The following SLC22A2 variants were observed in gnomAD, a reference collection of about 807,000 sequenced individuals.
The protein encoded by SLC22A2 is organic cation transporter 2.
In SLC22A2, 46 loss-of-function variants were observed where a neutral mutation model predicts 60.5. The ratio of observed to expected loss-of-function variants is 0.76; its 90% CI spans 0.60 to 0.97. The LOEUF (loss-of-function observed/expected upper bound fraction) is 0.97. Among genes scored for constraint, SLC22A2 ranks in the 50% least tolerant of loss-of-function variants. SLC22A2 has a pLI of 0.00. For synonymous variants in SLC22A2, 303 were observed against 267.0 expected, an observed-to-expected ratio of 1.13 and a Z score of -1.31; for missense variants, 701 against 706.6, an observed-to-expected ratio of 0.99 and a Z score of 0.09.
intron 9 of SLC22A2, among the ~76,000 whole-genome samples, chr6:160,228,672 CTAAGCCA>C (rs951375568): frequency 6.6e-6 from 1 of 152,200 alleles, no homozygotes; most frequent in African/African-American, 2.4e-5. Flanking sequence ...TGAGCCCAAG[CTAAGCCA>C]TCATATCCCC....
chr6:160,243,807 A>C (rs1783050413), intron 6 of SLC22A2, 21 bp from the exon 7 acceptor site: 1 of 1,585,468 alleles, frequency 6.3e-7, no homozygotes, highest in South Asian at 1.1e-5. Flanking sequence ...AGGAGAGTTC[A>C]GGTCAAGTCA....
At chr6:160,240,036 A>G (rs1164529298) in intron 9 of SLC22A2, among the ~76,000 whole-genome samples, 1 of 152,164 alleles carries the variant, frequency 6.6e-6, no homozygotes, top group Non-Finnish European at 1.5e-5. Flanking sequence ...GATAACGGAA[A>G]TGAGTGACTG....
rs535531173 is a variant in SLC22A2, at chr6:160,251,918, T to C, written c.519-1216A>G. 2.6e-5 allele frequency among the ~76,000 whole-genome samples: 4 copies of C among 152,374 alleles called. No individual in the cohort carries two copies. The South Asian group carries it at 8.3e-4, about 32-fold the overall frequency. On this transcript the variant is annotated intron_variant, in intron 2 of 10. Transcript: ENST00000366953. ...AGTTACATTGGTAATTAGTATTAAC[T>C]AGTAAATTTCTTAAGTCTTAAAACT...
rs780746033 is a variant in SLC22A2 at position 160,224,785 on chromosome 6, A to G, written c.1521T>C (p.Ala507=). Residue 507 remains alanine, a synonymous_variant, in exon 10 of 11, where the codon GCT becomes GCC. Coordinates refer to ENST00000366953, the MANE Select transcript of SLC22A2 (RefSeq NM_003058.4). ...CTGGAAGCAACAGCACCAGACCTCC[A>G]GCAACCAAGCCAAGCACGCCTGAAA... ...LMVFGVLGLV[A]GGLVLLLPET... 2.5e-6 allele frequency: 4 copies of G among 1,598,178 alleles called. No homozygotes were observed. The highest frequency in any genetic ancestry group is 2.7e-5 in the African/African-American group (2 of 74,550).
chr6:160,218,045 C>G, intron 10 of SLC22A2: 1 of 166,808 alleles, frequency 6.0e-6, no homozygotes, highest in Admixed American at 5.8e-5. Context: ...CAGCCATGCC[C>G]TTTGGACCTG....
intron 9 of SLC22A2, among the ~76,000 whole-genome samples, chr6:160,229,324 G>T (rs754749951): frequency 6.6e-6 from 1 of 151,406 alleles, no homozygotes; most frequent in Admixed American, 6.6e-5. Context: ...TCCTTTTCTC[G>T]TAGAGACAGA....
intron 9 of SLC22A2, among the ~76,000 whole-genome samples, chr6:160,234,815 C>A (rs184253295): frequency 6.6e-6 from 1 of 152,344 alleles, no homozygotes; most frequent in East Asian, 1.9e-4. Flanking sequence ...AGCTCAATAG[C>A]TAAGGCTTCA....
intron 5 of SLC22A2, among the ~76,000 whole-genome samples, chr6:160,245,960 C>T (rs909775020): frequency 8.6e-5 from 13 of 151,342 alleles, no homozygotes; most frequent in East Asian, 1.9e-4. Context: ...ATCTGCCTCC[C>T]GGGCTCAAGG....
At chr6:160,243,967 G>A (rs1420607232) in intron 6 of SLC22A2, among the ~76,000 whole-genome samples, 181 bp from the exon 7 acceptor site, 1 of 152,192 alleles carries the variant, frequency 6.6e-6, no homozygotes. Context: ...CTGTGGCTGG[G>A]TAGTTTCCAA....
chr6:160,245,669 C>G, intron 5 of SLC22A2, 124 bp from the exon 6 acceptor site: 1 of 467,416 alleles, frequency 2.1e-6, no homozygotes, highest in Admixed American at 3.9e-5. Context: ...CTAGAGCAAG[C>G]ACTTTCCATA....
intron 10 of SLC22A2, among the ~76,000 whole-genome samples, chr6:160,219,707 T>G (rs1286289206): frequency 6.6e-6 from 1 of 152,020 alleles, no homozygotes; most frequent in Admixed American, 6.6e-5. Context: ...TCAGAGATAT[T>G]GGGGATTCAC....
chr6:160,251,655 C>A (rs888023563), intron 2 of SLC22A2, among the ~76,000 whole-genome samples: 2 of 152,148 alleles, frequency 1.3e-5, no homozygotes, highest in African/African-American at 2.4e-5. Flanking sequence ...TAAAAAAATT[C>A]TTCACAGAAA....
chr6:160,239,443 A>C (rs1782964102), intron 9 of SLC22A2, among the ~76,000 whole-genome samples: 1 of 152,166 alleles, frequency 6.6e-6, no homozygotes, highest in Admixed American at 6.5e-5. Context: ...TACTCTATGG[A>C]TTGACCTCGA....
At chr6:160,247,767 T>C (rs1435950242) in intron 4 of SLC22A2, among the ~76,000 whole-genome samples, 1 of 152,222 alleles carries the variant, frequency 6.6e-6, no homozygotes, top group East Asian at 1.9e-4. Flanking sequence ...GAGTTTGATG[T>C]AGCAGGGCTC....
Position 160,250,716 on chromosome 6 carries a change from A to G in SLC22A2, c.519-14T>C. On this transcript the variant is annotated splice_polypyrimidine_tract_variant and intron_variant, in intron 2 of 10. Coordinates refer to ENST00000366953, the MANE Select transcript of SLC22A2 (RefSeq NM_003058.4). ...TTACGGCCAAACCTGCAGGAAGAAA[A>G]ACAAAGAGAGGGAATTGAATTAATT... 1.9e-6 allele frequency: 3 copies of G among 1,611,654 alleles called. No individual in the cohort carries two copies. In the East Asian group the frequency reaches 6.7e-5, roughly 36 times the overall value.
At chr6:160,229,756 C>T (rs1782789377) in intron 9 of SLC22A2, among the ~76,000 whole-genome samples, 1 of 151,784 alleles carries the variant, frequency 6.6e-6, no homozygotes, top group Admixed American at 6.5e-5. Context: ...CCTTAGCCTG[C>T]ATTCTCAAAA....
Position 160,241,489 on chromosome 6 carries a change from G to A in SLC22A2, c.1486C>T (p.Pro496Ser), listed in dbSNP as rs767233671. 2.5e-6 allele frequency: 4 copies of A among 1,611,466 alleles called. No homozygotes were observed. The highest frequency in any genetic ancestry group is 1.7e-5 in the Admixed American group (1 of 59,970). Residue 496 changes from proline (P) to serine (S), a missense_variant, in exon 9 of 11, where the codon CCG (proline) becomes TCG (serine). By Grantham distance (74) the Pro-to-Ser change is moderately conservative. Transcript: ENST00000366953. ...GATTTCTTACCGAAAACCATCAGCG[G>A]GAGCTCAAGCCAGATGTTAGTGAGC... ...YRLTNIWLELPLMVFGVLGLV... is the reference protein window; with the variant it reads ...YRLTNIWLELSLMVFGVLGLV...
intron 9 of SLC22A2, among the ~76,000 whole-genome samples, chr6:160,235,720 T>C (rs371797948): frequency 4.0e-5 from 6 of 151,890 alleles, no homozygotes; most frequent in African/African-American, 1.4e-4. Context: ...ATAAAAAGTT[T>C]GTAAAGAGTT....
intron 4 of SLC22A2, among the ~76,000 whole-genome samples, chr6:160,248,634 T>C (rs1301516175): frequency 6.6e-6 from 1 of 152,232 alleles, no homozygotes; most frequent in Admixed American, 6.5e-5. Context: ...ATTAGGGGTT[T>C]CTAAGAGTTT....
Sources: gnomAD v4.1 joint callset for allele counts (sites outside exome capture counted in the v4.1 genomes callset) on GRCh38, gnomAD v4.1.1 for gene constraint, MANE v1.5 for transcripts, NCBI Gene and HGNC (gene_info 2026-07-23, HGNC 2026-07-21) for gene names.